NRCAM: variants seen among roughly 807,000 people sequenced by gnomAD.
NRCAM encodes NgCAM-related cell adhesion molecule.
A neutral mutation model predicts 156.5 loss-of-function variants in NRCAM; 83 were observed. That is an observed-to-expected ratio of 0.53 (90% CI 0.44 to 0.64). The LOEUF is 0.64. NRCAM is among the 30% of genes least tolerant of loss of function. The pLI, the probability that NRCAM is intolerant of heterozygous loss-of-function variation, is 0.00. For synonymous variants in NRCAM, 538 were observed against 563.9 expected, an observed-to-expected ratio of 0.95 and a Z score of 0.65; for missense variants, 1,417 against 1,597.3, an observed-to-expected ratio of 0.89 and a Z score of 1.92.
At chr7:108,301,477 C>T (rs898443221) in intron 3 of NRCAM, among the ~76,000 whole-genome samples, 1 of 152,150 alleles carries the variant, frequency 6.6e-6, no homozygotes, top group Admixed American at 6.5e-5. Context: ...ACCAACAAGG[C>T]GTGACCGGTA....
At chr7:108,153,875 T>C (rs532501550) in intron 32 of NRCAM, among the ~76,000 whole-genome samples, 91 of 152,224 alleles carry the variant, frequency 6.0e-4, no homozygotes, top group Admixed American at 1.6e-3. Context: ...CAAAAATATG[T>C]GTAAGACCTC....
intron 1 of NRCAM, among the ~76,000 whole-genome samples, chr7:108,425,063 C>T (rs199717626): frequency 1.3e-5 from 2 of 152,086 alleles, no homozygotes; most frequent in East Asian, 3.9e-4. Context: ...GTAAAGTCTT[C>T]CCCCAACCCC....
chr7:108,211,956 C>T (rs1588446885), intron 11 of NRCAM, among the ~76,000 whole-genome samples: 1 of 152,336 alleles, frequency 6.6e-6, no homozygotes, highest in South Asian at 2.1e-4. Context: ...AAAAATAGAA[C>T]ATTAAACCAC....
At position 108,291,876 on chromosome 7, in the gene NRCAM, C is replaced by T. The variant is rs568103382; in HGVS notation, c.-107+20789G>A. The stretch of plus-strand genomic sequence containing the variant: ...ACACTGTGGTGTTACACAAAGACAA[C>T]CTGACAGAAATCAGAAAGTCTTTGT... On this transcript the variant is annotated intron_variant, in intron 3 of 32. Coordinates refer to ENST00000379028, the MANE Select transcript of NRCAM (RefSeq NM_001037132.4). Among the ~76,000 whole-genome samples the T allele has an allele frequency of 2.6e-5, 4 of 152,288 alleles. No homozygotes were observed. The South Asian group carries it at 8.3e-4, about 32-fold the overall frequency.
At chr7:108,195,403 A>T (rs2074422780) in intron 15 of NRCAM, among the ~76,000 whole-genome samples, 1 of 152,008 alleles carries the variant, frequency 6.6e-6, no homozygotes, top group African/African-American at 2.4e-5. Context: ...GCGGGCGGAT[A>T]ATCTGAGGTT....
intron 1 of NRCAM, among the ~76,000 whole-genome samples, chr7:108,416,586 TAAA>T (rs55710629): frequency 1.8e-3 from 269 of 151,528 alleles, no homozygotes; most frequent in African/African-American, 3.0e-3. Context: ...GACAAATAAT[TAAA>T]AAAAAAAAGT....
At chr7:108,209,781 A>C (rs1440978540) in intron 11 of NRCAM, among the ~76,000 whole-genome samples, 176 bp from the exon 12 acceptor site, 1 of 152,232 alleles carries the variant, frequency 6.6e-6, no homozygotes, top group Non-Finnish European at 1.5e-5. Flanking sequence ...TTACGTTTTC[A>C]CATAATCAGA....
Position 108,182,774 on chromosome 7 carries a change from G to A in NRCAM, c.2451C>T (p.Tyr817=). The change falls in exon 23 of 33, where the codon TAC becomes TAT. Residue 817 remains tyrosine, a synonymous_variant. Transcript: ENST00000379028. ...IVSGTPTFVP[Y]LIKVQALNDM... ...CATTCAGGGCCTGAACTTTGATCAG[G>A]TATGGAACAAAGGTTGGCGTGCCTG... is the stretch of plus-strand genomic sequence containing the variant. 1 of 1,614,240 alleles carries A rather than the reference G, an allele frequency of 6.2e-7. No homozygotes were observed. The highest frequency in any genetic ancestry group is 8.5e-7 in the Non-Finnish European group (1 of 1,180,046).
intron 3 of NRCAM, among the ~76,000 whole-genome samples, chr7:108,253,172 G>T (rs2096457392): frequency 6.6e-6 from 1 of 152,178 alleles, no homozygotes; most frequent in Non-Finnish European, 1.5e-5. Context: ...AGATGCTAGG[G>T]GGGATTCAAA....
chr7:108,260,652 G>A (rs1390303730), intron 3 of NRCAM, among the ~76,000 whole-genome samples: 1 of 152,116 alleles, frequency 6.6e-6, no homozygotes, highest in African/African-American at 2.4e-5. Context: ...CCAGAGCGTG[G>A]GCATTAGTGG....
chr7:108,418,187 T>C (rs1010531054), intron 1 of NRCAM, among the ~76,000 whole-genome samples: 1 of 152,098 alleles, frequency 6.6e-6, no homozygotes, highest in African/African-American at 2.4e-5. Context: ...TCTGTGGTCT[T>C]CCCCACAGTT....
intron 3 of NRCAM, among the ~76,000 whole-genome samples, chr7:108,302,097 C>T (rs183991840): frequency 6.6e-6 from 1 of 151,606 alleles, no homozygotes; most frequent in Admixed American, 6.6e-5. Context: ...AACAATGCAG[C>T]TCTTTCCCCT....
At chr7:108,443,879 T>TATAGATAG (rs142458020) in intron 1 of NRCAM, among the ~76,000 whole-genome samples, 21,295 of 148,150 alleles carry the variant, frequency 0.14, 1,893 homozygotes, top group African/African-American at 0.24. Flanking sequence ...AGTATACAGA[T>TATAGATAG]ATAGATAGAT....
At chr7:108,455,735 G>A (rs1856458482) in intron 1 of NRCAM, among the ~76,000 whole-genome samples, 1 of 152,178 alleles carries the variant, frequency 6.6e-6, no homozygotes, top group Admixed American at 6.5e-5. Context: ...GCAGGGGCCC[G>A]AACAGGCACA....
At chr7:108,386,875 C>T (rs1030961501) in intron 2 of NRCAM, among the ~76,000 whole-genome samples, 5 of 152,242 alleles carry the variant, frequency 3.3e-5, no homozygotes, top group Middle Eastern at 3.4e-3. Flanking sequence ...TTCTTAAATA[C>T]TCTAGGAAGC....
chr7:108,187,742 G>A (rs2067949131), intron 20 of NRCAM, among the ~76,000 whole-genome samples: 1 of 152,066 alleles, frequency 6.6e-6, no homozygotes, highest in Non-Finnish European at 1.5e-5. Flanking sequence ...ACGAGGTCGG[G>A]AGATTGAGAC....
In NRCAM at chr7:108,232,659, A is replaced by G. The variant is rs867292080; in HGVS notation, c.231-137T>C. The G allele has an allele frequency of 1.4e-5, 8 of 552,768 alleles. No individual in the cohort carries two copies. The African/African-American group carries it at 1.6e-4, about 11-fold the overall frequency. 34.2% of individuals were successfully genotyped at this position (552,768 alleles called of 1,614,324 possible). On this transcript the variant is annotated intron_variant, in intron 6 of 32. Transcript: ENST00000379028. ...TTCAGTAAGAGAGCAATAAGCCCTC[A>G]TATCTAAAATGTTTCATTGAATCAT...
chr7:108,231,009 A>C, intron 8 of NRCAM, 22 bp downstream of exon 8: 2 of 1,540,446 alleles, frequency 1.3e-6, no homozygotes, highest in Non-Finnish European at 1.8e-6. Flanking sequence ...AAAGAAAGAA[A>C]GTTCATATTA....
intron 3 of NRCAM, among the ~76,000 whole-genome samples, chr7:108,252,684 A>G (rs1033840877): frequency 1.3e-5 from 2 of 152,246 alleles, no homozygotes; most frequent in Admixed American, 1.3e-4. Flanking sequence ...CCATTTAACT[A>G]AATCAAGACA....
Sources: gnomAD v4.1 joint callset for allele counts (sites outside exome capture counted in the v4.1 genomes callset) on GRCh38, gnomAD v4.1.1 for gene constraint, MANE v1.5 for transcripts, NCBI Gene and HGNC (gene_info 2026-07-23, HGNC 2026-07-21) for gene names.